The following CPNE4 variants were observed in gnomAD, a reference collection of about 807,000 sequenced individuals.
The protein encoded by CPNE4 is copine 4.
In CPNE4, 25 loss-of-function variants were observed where a neutral mutation model predicts 67.9. The observed-to-expected ratio is 0.37, with a 90% CI of 0.27 to 0.51. The LOEUF is 0.51. CPNE4 is among the 20% of genes least tolerant of loss of function. The pLI, the probability that CPNE4 is intolerant of heterozygous loss-of-function variation, is 0.93. For missense variants in CPNE4, 464 were observed against 690.8 expected, an observed-to-expected ratio of 0.67 and a Z score of 3.68; for synonymous variants, 242 against 244.9, an observed-to-expected ratio of 0.99 and a Z score of 0.11.
intron 11 of CPNE4, among the ~76,000 whole-genome samples, chr3:131,562,884 T>G (rs535684788): frequency 6.6e-6 from 1 of 152,056 alleles, no homozygotes; most frequent in East Asian, 1.9e-4. Context: ...TTAAAATAAC[T>G]ATTGACTTTT....
intron 1 of CPNE4, among the ~76,000 whole-genome samples, chr3:132,005,599 C>T (rs573138276): frequency 2.3e-4 from 35 of 151,826 alleles, no homozygotes; most frequent in African/African-American, 6.0e-4. Context: ...CACAGGGAAA[C>T]CACTTTGCAG....
intron 9 of CPNE4, among the ~76,000 whole-genome samples, chr3:131,577,963 G>A (rs573037555): frequency 6.6e-6 from 1 of 152,008 alleles, no homozygotes; most frequent in African/African-American, 2.4e-5. Context: ...GGGGTTACAT[G>A]CTAATAAGCC....
At chr3:131,833,585 A>G (rs2085455173) in intron 2 of CPNE4, among the ~76,000 whole-genome samples, 1 of 152,138 alleles carries the variant, frequency 6.6e-6, no homozygotes, top group African/African-American at 2.4e-5. Flanking sequence ...AGTTCCAGCT[A>G]CTGGTCAGGG....
chr3:131,942,487 A>T (rs879640917), intron 1 of CPNE4, among the ~76,000 whole-genome samples: 19,346 of 144,646 alleles, frequency 0.13, 1,424 homozygotes, highest in African/African-American at 0.2. Flanking sequence ...AGAGAGAGAG[A>T]GAGAGAGAGA....
At chr3:131,793,809 C>A (rs913150911) in intron 2 of CPNE4, among the ~76,000 whole-genome samples, 1 of 152,100 alleles carries the variant, frequency 6.6e-6, no homozygotes, top group Non-Finnish European at 1.5e-5. Context: ...GACTTGTAAA[C>A]CTTCATGTCT....
At chr3:131,987,542 A>G (rs2073083790) in intron 1 of CPNE4, among the ~76,000 whole-genome samples, 9 of 151,924 alleles carry the variant, frequency 5.9e-5, no homozygotes. Context: ...ATGCACCACC[A>G]CACCCAGCTA....
At chr3:132,022,691 G>A (rs183477988) in intron 1 of CPNE4, among the ~76,000 whole-genome samples, 4 of 152,270 alleles carry the variant, frequency 2.6e-5, no homozygotes, top group Non-Finnish European at 5.9e-5. Flanking sequence ...GACTTGTTTG[G>A]TGGTGAGTTG....
intron 2 of CPNE4, among the ~76,000 whole-genome samples, chr3:131,776,816 G>A (rs2083302241): frequency 6.6e-6 from 1 of 151,898 alleles, no homozygotes; most frequent in Non-Finnish European, 1.5e-5. Flanking sequence ...CTCTCTTTAG[G>A]GAGAAAATAA....
At chr3:131,723,323 G>T in intron 3 of CPNE4, 123 bp downstream of exon 3, 2 of 840,990 alleles carry the variant, frequency 2.4e-6, no homozygotes, top group Non-Finnish European at 3.8e-6. Context: ...GTAAAATGCT[G>T]CATGTTAAAG....
rs565220285 is a variant in CPNE4 at position 131,934,680 on chromosome 3, T to C, written c.-1-29236A>G. Among the ~76,000 whole-genome samples the C allele has an allele frequency of 3.9e-5, 6 of 152,284 alleles. No homozygotes were observed. The South Asian group carries it at 1.2e-3, about 32-fold the overall frequency. Reference sequence around the variant, plus strand: ...CATGCAGTGTTTGGTTTTCTGTTCCTGTGTTAGTTTGCTGAGATAAAGTAT... The same window carrying C: ...CATGCAGTGTTTGGTTTTCTGTTCCCGTGTTAGTTTGCTGAGATAAAGTAT... On this transcript the variant is annotated intron_variant, in intron 1 of 15. Transcript: ENST00000429747.
chr3:131,874,189 C>T (rs144778626), intron 2 of CPNE4, among the ~76,000 whole-genome samples: 72 of 151,808 alleles, frequency 4.7e-4, no homozygotes, highest in African/African-American at 1.7e-3. Flanking sequence ...CCCGGGTTCA[C>T]GCCATTCTCC....
At chr3:131,777,527 T>C (rs1251806638) in intron 2 of CPNE4, among the ~76,000 whole-genome samples, 1 of 151,772 alleles carries the variant, frequency 6.6e-6, no homozygotes, top group African/African-American at 2.4e-5. Context: ...GATGATCACA[T>C]TGGAGAAAGA....
chr3:131,546,193 A>G (rs1158444484), intron 14 of CPNE4, among the ~76,000 whole-genome samples: 1 of 152,230 alleles, frequency 6.6e-6, no homozygotes, highest in Non-Finnish European at 1.5e-5. Context: ...AGAGATTGTC[A>G]GGATTCTGGA....
At chr3:132,028,949 G>A (rs954649629) in intron 1 of CPNE4, among the ~76,000 whole-genome samples, 1 of 148,352 alleles carries the variant, frequency 6.7e-6, no homozygotes, top group Non-Finnish European at 1.5e-5. Context: ...AAAGGGTGAA[G>A]TTTGGGGAGA....
intron 1 of CPNE4, among the ~76,000 whole-genome samples, chr3:131,982,735 T>C (rs1256619237): frequency 2.6e-5 from 4 of 152,166 alleles, no homozygotes; most frequent in Admixed American, 2.0e-4. Flanking sequence ...GTGTGTGAAA[T>C]ATATTTCACT....
chr3:131,561,703 A>G (rs1345323806), intron 11 of CPNE4, among the ~76,000 whole-genome samples: 1 of 152,026 alleles, frequency 6.6e-6, no homozygotes, highest in Non-Finnish European at 1.5e-5. Flanking sequence ...GAGGGGGAAC[A>G]ATGCCTTCTG....
At chr3:131,877,774 G>C (rs2087516670) in intron 2 of CPNE4, among the ~76,000 whole-genome samples, 1 of 152,076 alleles carries the variant, frequency 6.6e-6, no homozygotes, top group South Asian at 2.1e-4. Context: ...GCTGAGGTTG[G>C]GGACACATAT....
chr3:131,802,046 G>T (rs1313722211), intron 2 of CPNE4, among the ~76,000 whole-genome samples: 1 of 152,046 alleles, frequency 6.6e-6, no homozygotes, highest in Non-Finnish European at 1.5e-5. Context: ...ATCAGGCTAT[G>T]CATCTAAAGT....
chr3:131,671,164 C>A (rs1201096985), intron 6 of CPNE4, among the ~76,000 whole-genome samples: 1 of 152,100 alleles, frequency 6.6e-6, no homozygotes, highest in Non-Finnish European at 1.5e-5. Context: ...CCACCGGATT[C>A]CTTAATATAA....
Sources: gnomAD v4.1 joint callset for allele counts (sites outside exome capture counted in the v4.1 genomes callset) on GRCh38, gnomAD v4.1.1 for gene constraint, MANE v1.5 for transcripts, NCBI Gene and HGNC (gene_info 2026-07-23, HGNC 2026-07-21) for gene names.